The following PDZD2 variants were observed in gnomAD, a reference collection of about 807,000 sequenced individuals.
The protein encoded by PDZD2 is PDZ domain containing 2.
A neutral mutation model predicts 220.7 loss-of-function variants in PDZD2; 90 were observed. The observed-to-expected ratio is 0.41, with a 90% CI of 0.34 to 0.49. The LOEUF (loss-of-function observed/expected upper bound fraction) is 0.49, where lower values mean the gene tolerates loss of function less well. Among genes scored for constraint, PDZD2 ranks in the 20% least tolerant of loss-of-function variants. The probability of loss-of-function intolerance (pLI) is 0.28; values close to 1 mark genes in which losing one functional copy is unlikely to be tolerated. For synonymous variants in PDZD2, 1,375 were observed against 1,450.5 expected, an observed-to-expected ratio of 0.95 and a Z score of 1.18; for missense variants, 3,174 against 3,608.5, an observed-to-expected ratio of 0.88 and a Z score of 3.08.
chr5:31,786,646 C>T lies in PDZD2; in HGVS notation c.-360-12243C>T, dbSNP rs190070134. On this transcript the variant is annotated intron_variant, in intron 1 of 24. Transcript: ENST00000438447. The stretch of plus-strand genomic sequence containing the variant: ...GAGGCCAGCTACTTCATCCCTGCCT[C>T]GCTAACTTAGCTCCAAGATTTGGGG... 4.6e-5 allele frequency among the ~76,000 whole-genome samples: 7 copies of T among 152,086 alleles called. No individual in the cohort carries two copies. In the East Asian group the frequency reaches 1.2e-3, roughly 25 times the overall value.
intron 2 of PDZD2, among the ~76,000 whole-genome samples, chr5:31,873,441 A>C (rs1251869708): frequency 8.6e-6 from 1 of 115,778 alleles, no homozygotes; most frequent in East Asian, 2.1e-4. Flanking sequence ...TGTCTCACCA[A>C]AAGAAAAAAA....
At chr5:31,926,042 A>G (rs13189145) in intron 2 of PDZD2, among the ~76,000 whole-genome samples, 37,131 of 151,840 alleles carry the variant, frequency 0.24, 4,829 homozygotes, top group Non-Finnish European at 0.27. Flanking sequence ...AACGCATAGC[A>G]AGACCCTGTC....
rs936365753 is a variant in PDZD2, at chr5:32,061,003, CGCG to C, written c.2322_2324del (p.Gly775del). ...TGTGGATTCTGTTGCCCTCCCTAGCCGCGGGGATCAAATCCTGGAAGTGAACTC... is the reference window on the plus strand; with the variant it reads ...TGTGGATTCTGTTGCCCTCCCTAGCCGGGATCAAATCCTGGAAGTGAACTC... On this transcript the variant is annotated inframe_deletion and splice_region_variant, in exon 14 of 25. Transcript: ENST00000438447. 3 of 1,613,998 alleles carry C rather than the reference CGCG, an allele frequency of 1.9e-6. No individual in the cohort carries two copies. In the African/African-American group the frequency reaches 4.0e-5, roughly 22 times the overall value.
chr5:31,783,561 A>G (rs972553215), intron 1 of PDZD2, among the ~76,000 whole-genome samples: 16 of 152,320 alleles, frequency 1.1e-4, no homozygotes, highest in African/African-American at 2.9e-4. Flanking sequence ...AGAGATTGAT[A>G]CTGAACTTGG....
At chr5:31,910,274 C>T (rs1431596803) in intron 2 of PDZD2, among the ~76,000 whole-genome samples, 1 of 133,956 alleles carries the variant, frequency 7.5e-6, no homozygotes, top group Admixed American at 8.7e-5. Context: ...GGCTGGAGTA[C>T]AATGGTGTGA....
intron 1 of PDZD2, among the ~76,000 whole-genome samples, chr5:31,756,197 G>C (rs1443425271): frequency 6.6e-6 from 1 of 152,104 alleles, no homozygotes; most frequent in Non-Finnish European, 1.5e-5. Flanking sequence ...CCTGTGCCTG[G>C]CTCCAGGTCA....
chr5:31,753,886 C>T (rs1443518178), intron 1 of PDZD2, among the ~76,000 whole-genome samples: 1 of 152,166 alleles, frequency 6.6e-6, no homozygotes, highest in Non-Finnish European at 1.5e-5. Flanking sequence ...CATCTAGATG[C>T]TTCTCCTACA....
chr5:31,906,026 A>G (rs1394748215), intron 2 of PDZD2, among the ~76,000 whole-genome samples: 3 of 145,788 alleles, frequency 2.1e-5, no homozygotes, highest in African/African-American at 7.5e-5. Context: ...TTTTATTTTT[A>G]TTATTATTTT....
chr5:31,827,826 T>C (rs1756323091), intron 2 of PDZD2, among the ~76,000 whole-genome samples: 2 of 152,158 alleles, frequency 1.3e-5, no homozygotes, highest in Admixed American at 1.3e-4. Context: ...ATATCACCAA[T>C]ATCTAATTTT....
chr5:31,828,158 T>C (rs1756344070), intron 2 of PDZD2, among the ~76,000 whole-genome samples: 1 of 152,248 alleles, frequency 6.6e-6, no homozygotes, highest in Non-Finnish European at 1.5e-5. Flanking sequence ...TGAACATTGG[T>C]GTACAAGCTT....
intron 19 of PDZD2, among the ~76,000 whole-genome samples, chr5:32,086,584 T>A (rs949617181): frequency 1.3e-5 from 2 of 152,320 alleles, no homozygotes; most frequent in South Asian, 2.1e-4. Flanking sequence ...GTGGTATTTG[T>A]TAGATGTGGG....
chr5:31,814,199 G>A (rs1343886818), intron 2 of PDZD2, among the ~76,000 whole-genome samples: 1 of 152,150 alleles, frequency 6.6e-6, no homozygotes, highest in African/African-American at 2.4e-5. Flanking sequence ...TCAGGTAACA[G>A]TAGCTTTAAC....
rs1406316170 is a variant in PDZD2, at chr5:32,004,327, C to T, written c.1254+4056C>T. ...TTGGACTGGGCATGGTGGCTCATGCCTGTAATCCCAGCAATTTGGGAGGCT... is the reference window on the plus strand; with the variant it reads ...TTGGACTGGGCATGGTGGCTCATGCTTGTAATCCCAGCAATTTGGGAGGCT... On this transcript the variant is annotated intron_variant, in intron 5 of 24. Coordinates refer to ENST00000438447, the MANE Select transcript of PDZD2 (RefSeq NM_178140.4). Among the ~76,000 whole-genome samples, 5 of 152,136 alleles carry T rather than the reference C, an allele frequency of 3.3e-5. No homozygotes were observed. In the East Asian group the frequency reaches 7.7e-4, roughly 23 times the overall value.
intron 20 of PDZD2, among the ~76,000 whole-genome samples, chr5:32,092,274 GAAAA>G (rs61474035): frequency 1.2e-5 from 1 of 86,256 alleles, no homozygotes; most frequent in African/African-American, 4.1e-5. Flanking sequence ...ACTCAATCTC[GAAAA>G]AAAAAAAAAA....
intron 2 of PDZD2, among the ~76,000 whole-genome samples, chr5:31,821,364 G>T (rs10042407): frequency 1.4e-5 from 2 of 147,122 alleles, no homozygotes; most frequent in African/African-American, 5.1e-5. Flanking sequence ...TTCTCAGTTT[G>T]TGAGGTTTGA....
chr5:31,925,478 TTTAAATG>T (rs1744669466), intron 2 of PDZD2, among the ~76,000 whole-genome samples: 2 of 152,164 alleles, frequency 1.3e-5, no homozygotes, highest in African/African-American at 2.4e-5. Flanking sequence ...GGACTAAAGA[TTTAAATG>T]TAAGACCTCA....
At chr5:31,671,717 C>G (rs73751822) in intron 1 of PDZD2, among the ~76,000 whole-genome samples, 3,843 of 152,318 alleles carry the variant, frequency 0.025, 174 homozygotes, top group African/African-American at 0.089. Flanking sequence ...ACTAATGCTT[C>G]TCAATGCAAA....
chr5:31,937,127 C>G (rs183646324), intron 2 of PDZD2, among the ~76,000 whole-genome samples: 1 of 152,264 alleles, frequency 6.6e-6, no homozygotes, highest in Non-Finnish European at 1.5e-5. Flanking sequence ...CTTCCGTTGT[C>G]AAGGTTTGGG....
At chr5:31,720,152 G>C (rs1748703716) in intron 1 of PDZD2, among the ~76,000 whole-genome samples, 1 of 152,228 alleles carries the variant, frequency 6.6e-6, no homozygotes. Context: ...GAAGACAATT[G>C]CTTCTCCACC....
Sources: gnomAD v4.1 joint callset for allele counts (sites outside exome capture counted in the v4.1 genomes callset) on GRCh38, gnomAD v4.1.1 for gene constraint, MANE v1.5 for transcripts, NCBI Gene and HGNC (gene_info 2026-07-23, HGNC 2026-07-21) for gene names.